The following BSN variants were observed in gnomAD, a reference collection of about 807,000 sequenced individuals.
The protein encoded by BSN is bassoon presynaptic cytomatrix protein, also known as protein bassoon.
BSN carries 57 observed loss-of-function variants against 264.8 expected under a neutral mutation model. That is an observed-to-expected ratio of 0.22 (90% CI 0.17 to 0.27). The LOEUF (loss-of-function observed/expected upper bound fraction) is 0.27. BSN is among the 10% of genes least tolerant of loss of function. BSN has a pLI of 1.00. For synonymous variants in BSN, 2,059 were observed against 2,137.3 expected (o/e 0.96, Z 1.01); for missense variants, 4,615 against 5,232.5 (o/e 0.88, Z 3.64).
intron 1 of BSN, among the ~76,000 whole-genome samples, chr3:49,555,263 G>A (rs1236445573): frequency 6.6e-6 from 1 of 152,230 alleles, no homozygotes; most frequent in African/African-American, 2.4e-5. Flanking sequence ...GGGAAGATAA[G>A]TGTCACTGCG....
At chr3:49,589,462 T>C (rs555408506) in intron 1 of BSN, among the ~76,000 whole-genome samples, 2 of 152,112 alleles carry the variant, frequency 1.3e-5, no homozygotes, top group Admixed American at 6.6e-5. Context: ...TTCTAATGGA[T>C]TGACCTCTTT....
intron 1 of BSN, among the ~76,000 whole-genome samples, chr3:49,605,497 A>AT (rs2052114323): frequency 1.2e-4 from 1 of 8,270 alleles, no homozygotes; most frequent in African/African-American, 5.0e-4. Context: ...TATATTATAT[A>AT]TAATATATAT....
In BSN at chr3:49,663,518, T is replaced by A. The variant is rs753761300; in HGVS notation, c.11360T>A (p.Leu3787Gln). ...CAGCAGCAGCAGCAAGGTCTTGGGC[T>A]GCAGCCCCCACAGCAGGCTCTGACA... ...QTQQQQQGLG[L>Q]QPPQQALTQA... The change falls in exon 7 of 12, where the codon CTG (leucine) becomes CAG (glutamine). Residue 3787 changes from leucine (L) to glutamine (Q), a missense_variant. Leu to Gln is a moderately radical substitution (Grantham distance 113). Transcript: ENST00000296452. 1 of 1,612,728 alleles carries A rather than the reference T, an allele frequency of 6.2e-7. No individual in the cohort carries two copies. The highest frequency in any genetic ancestry group is 2.2e-5 in the East Asian group (1 of 44,878).
intron 2 of BSN, among the ~76,000 whole-genome samples, chr3:49,635,341 G>A (rs942467634): frequency 6.6e-6 from 1 of 152,126 alleles, no homozygotes; most frequent in Non-Finnish European, 1.5e-5. Flanking sequence ...GAGTAGAAAG[G>A]CCAGCAAGTG....
At chr3:49,562,071 G>A (rs1052486742) in intron 1 of BSN, among the ~76,000 whole-genome samples, 1 of 152,116 alleles carries the variant, frequency 6.6e-6, no homozygotes, top group Non-Finnish European at 1.5e-5. Context: ...GCCTCCCAAA[G>A]TGCTGAGATT....
At chr3:49,644,271 A>T (rs6446286) in intron 3 of BSN, among the ~76,000 whole-genome samples, 1 of 152,106 alleles carries the variant, frequency 6.6e-6, no homozygotes, top group African/African-American at 2.4e-5. Flanking sequence ...TGATGGTGGC[A>T]CAGGGGTGTG....
chr3:49,560,592 G>T (rs2051704602), intron 1 of BSN, among the ~76,000 whole-genome samples: 1 of 152,214 alleles, frequency 6.6e-6, no homozygotes. Flanking sequence ...CTGGGACTTG[G>T]TGAACAATCT....
chr3:49,657,980 C>T lies in BSN; in HGVS notation c.8424C>T (p.Asp2808=). The T allele has an allele frequency of 6.2e-7, 1 of 1,611,780 alleles. No individual in the cohort carries two copies. ...VSPLSPHRLL[D]TSFASSERLN... Reference sequence around the variant, plus strand: ...CCCTGTCCCCTCACCGGCTCCTGGACACCTCCTTTGCTTCCAGTGAGAGGC... The same window carrying T: ...CCCTGTCCCCTCACCGGCTCCTGGATACCTCCTTTGCTTCCAGTGAGAGGC... Residue 2808 remains aspartate (D), a synonymous_variant, in exon 5 of 12, where the codon GAC becomes GAT. Transcript: ENST00000296452.
chr3:49,642,611 C>T lies in BSN; in HGVS notation c.977C>T (p.Ala326Val), dbSNP rs1365422456. 2 of 1,602,956 alleles carry T rather than the reference C, an allele frequency of 1.2e-6. No individual in the cohort carries two copies. Among genetic ancestry groups the T allele is most frequent in the Non-Finnish European group, 1.7e-6 (2 of 1,173,600 alleles). The change falls in exon 3 of 12, where the codon GCC (alanine) becomes GTC (valine). Residue 326 changes from alanine to valine, a missense_variant. Ala to Val is a moderately conservative substitution (Grantham distance 64, BLOSUM62 0). Transcript: ENST00000296452. The surrounding 1 kb of genome is among the most constrained non-coding windows in gnomAD (Gnocchi z 7.0). The part of the protein sequence containing the change: ...EPRPPAGEAP[A>V]KSATAVPAGL... ...AGGCCACCTGCAGGAGAGGCCCCGG[C>T]CAAAAGTGCCACCGCAGTGCCCGCT...
intron 1 of BSN, among the ~76,000 whole-genome samples, chr3:49,588,082 C>A (rs1389907855): frequency 6.6e-6 from 1 of 151,698 alleles, no homozygotes; most frequent in South Asian, 2.1e-4. Flanking sequence ...CTACCACGCC[C>A]GGCTAATTTT....
In BSN at chr3:49,661,693, G is replaced by T. The variant is rs148234771; in HGVS notation, c.9848G>T (p.Cys3283Phe). The stretch of plus-strand genomic sequence containing the variant: ...CTTGACGGGCCCACACTGCCCTGCT[G>T]CTATGCCAGAGGAGAAGAGGAATCT... ...GVLDGPTLPC[C>F]YARGEEESEE... The change falls in exon 6 of 12, where the codon TGC becomes TTC. Residue 3283 changes from cysteine to phenylalanine, a missense_variant. Around this residue, in one of 3 missense-constraint regions of BSN, gnomAD observed 3,415 missense variants for 3,866.4 expected, o/e 0.88. Coordinates refer to ENST00000296452, the MANE Select transcript of BSN (RefSeq NM_003458.4). 23 of 1,613,754 alleles carry T rather than the reference G, an allele frequency of 1.4e-5. No homozygotes were observed. In the South Asian group the frequency reaches 2.5e-4, roughly 18 times the overall value.
intron 2 of BSN, among the ~76,000 whole-genome samples, chr3:49,629,849 C>A (rs1163049270): frequency 6.6e-6 from 1 of 152,262 alleles, no homozygotes; most frequent in Admixed American, 6.5e-5. Context: ...AGGAAAACTA[C>A]AGAGGAGTAA....
intron 1 of BSN, among the ~76,000 whole-genome samples, chr3:49,618,489 C>T: frequency 6.6e-6 from 1 of 152,172 alleles, no homozygotes; most frequent in East Asian, 1.9e-4. Context: ...CTAAACATTC[C>T]CCTATGTGAA....
intron 8 of BSN, 53 bp downstream of exon 8, chr3:49,663,939 C>T: frequency 1.3e-6 from 2 of 1,537,640 alleles, no homozygotes; most frequent in Non-Finnish European, 1.8e-6. Flanking sequence ...CCAGGCTGTT[C>T]TCTCTCTATA....
At chr3:49,579,526 C>G (rs1003922055) in intron 1 of BSN, among the ~76,000 whole-genome samples, 4 of 152,002 alleles carry the variant, frequency 2.6e-5, no homozygotes, top group African/African-American at 7.2e-5. Flanking sequence ...CCTCAGCCTC[C>G]TAAGTAGCTA....
At position 49,664,431 on chromosome 3, in the gene BSN, G is replaced by C; in HGVS notation, c.11617G>C (p.Ala3873Pro). The C allele has an allele frequency of 6.2e-7, 1 of 1,613,736 alleles. No individual in the cohort carries two copies. The highest frequency in any genetic ancestry group is 8.5e-7 in the Non-Finnish European group (1 of 1,180,008). The change falls in exon 9 of 12, where the codon GCT becomes CCT. Residue 3873 changes from alanine to proline, a missense_variant. Coordinates refer to ENST00000296452, the MANE Select transcript of BSN (RefSeq NM_003458.4). Reference sequence around the variant, plus strand: ...GATTTCTTTCCTCCTAGGTGTGAAGGCTGGAGCCAGGCCTGGAGGAACCCC... The same window carrying C: ...GATTTCTTTCCTCCTAGGTGTGAAGCCTGGAGCCAGGCCTGGAGGAACCCC... ...APGPGPAGVK[A>P]GARPGGTPGA...
intron 1 of BSN, among the ~76,000 whole-genome samples, chr3:49,561,905 T>G (rs2107999170): frequency 6.6e-6 from 1 of 152,248 alleles, no homozygotes; most frequent in African/African-American, 2.4e-5. Flanking sequence ...CCTCTTGGGA[T>G]CAAGTGATTC....
rs2052697726 is a variant in BSN at position 49,664,624 on chromosome 3, C to T, written c.11740+70C>T. The T allele has an allele frequency of 3.9e-6, 6 of 1,547,440 alleles. No homozygotes were observed. The South Asian group carries it at 5.0e-5, about 13-fold the overall frequency. On this transcript the variant is annotated intron_variant, in intron 9 of 11. Transcript: ENST00000296452. ...TACAGGCTGGGTCTGTGAGATGATT[C>T]CAGACTCAGTCACCCAGGCAGAGGC...
At position 49,638,866 on chromosome 3, in the gene BSN, C is replaced by T. The variant is rs1438552682; in HGVS notation, c.634-3402C>T. On this transcript the variant is annotated intron_variant, in intron 2 of 11. Transcript: ENST00000296452. The surrounding 1 kb of genome is among the most constrained non-coding windows in gnomAD (Gnocchi z 4.3). ...TCCCTTTCCCAGGAAGAAGTCTCAC[C>T]TCAGGGCATGCTGCAGTGCCCAGGT... is the stretch of plus-strand genomic sequence containing the variant. Among the ~76,000 whole-genome samples, 4 of 152,218 alleles carry T rather than the reference C, an allele frequency of 2.6e-5. No individual in the cohort carries two copies. The highest frequency in any genetic ancestry group is 1.9e-4 in the East Asian group (1 of 5,192).
Sources: gnomAD v4.1 joint callset for allele counts (sites outside exome capture counted in the v4.1 genomes callset) on GRCh38, gnomAD v4.1.1 for gene constraint, gnomAD v4.1.1 regional missense constraint, Gnocchi (gnomAD v3.1) non-coding constraint, MANE v1.5 for transcripts, NCBI Gene and HGNC (gene_info 2026-07-23, HGNC 2026-07-21) for gene names.